Variants in FGGY observed in about 807,000 individuals in gnomAD.
FGGY encodes the protein FGGY carbohydrate kinase domain-containing protein.
Under a neutral mutation model 71.3 loss-of-function variants are expected in FGGY, and 72 were observed. That is an observed-to-expected ratio of 1.01 (90% CI 0.84 to 1.23). The LOEUF (loss-of-function observed/expected upper bound fraction) is 1.23, where lower values mean the gene tolerates loss of function less well. FGGY is among the 50% of genes most tolerant of loss of function. FGGY has a pLI of 0.00. For synonymous variants in FGGY, 251 were observed against 250.3 expected (o/e 1.00, Z -0.02); for missense variants, 668 against 682.3 (o/e 0.98, Z 0.23).
At chr1:59,570,632 G>C (rs575697355) in intron 8 of FGGY, among the ~76,000 whole-genome samples, 4 of 152,174 alleles carry the variant, frequency 2.6e-5, no homozygotes, top group African/African-American at 9.6e-5. Flanking sequence ...GTTCTGTGCA[G>C]ACAAACCCAG....
chr1:59,339,315 C>T (rs1203089669), intron 2 of FGGY, among the ~76,000 whole-genome samples: 1 of 151,896 alleles, frequency 6.6e-6, no homozygotes, highest in African/African-American at 2.4e-5. Flanking sequence ...TATATTTTTG[C>T]CAATATGAAA....
intron 5 of FGGY, among the ~76,000 whole-genome samples, chr1:59,441,482 T>C (rs1042839913): frequency 6.6e-6 from 1 of 152,200 alleles, no homozygotes; most frequent in African/African-American, 2.4e-5. Context: ...CAGTTCCCTG[T>C]AGTATTCTTA....
intron 11 of FGGY, among the ~76,000 whole-genome samples, chr1:59,651,071 T>A (rs1413314169): frequency 6.6e-6 from 1 of 151,540 alleles, no homozygotes; most frequent in Non-Finnish European, 1.5e-5. Context: ...TTGAGTGAGA[T>A]TCTTAATCCT....
intron 9 of FGGY, among the ~76,000 whole-genome samples, chr1:59,625,415 G>A (rs1357946471): frequency 6.6e-6 from 1 of 152,116 alleles, no homozygotes; most frequent in Non-Finnish European, 1.5e-5. Flanking sequence ...TGTGATGATT[G>A]TTCAGTCAGG....
intron 4 of FGGY, among the ~76,000 whole-genome samples, chr1:59,355,197 T>C (rs927789726): frequency 6.6e-6 from 1 of 152,210 alleles, no homozygotes; most frequent in Admixed American, 6.5e-5. Context: ...AATATTTGTA[T>C]AGCAACAACA....
intron 2 of FGGY, among the ~76,000 whole-genome samples, chr1:59,328,253 G>A (rs2047787513): frequency 6.6e-6 from 1 of 152,160 alleles, no homozygotes; most frequent in African/African-American, 2.4e-5. Context: ...TTCATTGATT[G>A]TCTTACCCAA....
chr1:59,403,413 A>C (rs191482010), intron 5 of FGGY, among the ~76,000 whole-genome samples: 368 of 152,128 alleles, frequency 2.4e-3, no homozygotes, highest in African/African-American at 8.1e-3. Flanking sequence ...CAGAAAGCAG[A>C]CTCCTCCAGA....
intron 5 of FGGY, among the ~76,000 whole-genome samples, chr1:59,424,856 A>C (rs976220250): frequency 6.6e-6 from 1 of 152,232 alleles, no homozygotes; most frequent in Non-Finnish European, 1.5e-5. Flanking sequence ...GGCTTCACAC[A>C]TAAGCCAGTT....
At chr1:59,660,466 C>T in intron 12 of FGGY, 173 bp downstream of exon 12, 1 of 470,194 alleles carries the variant, frequency 2.1e-6, no homozygotes, top group Non-Finnish European at 3.8e-6. Context: ...AAAGGCCTCA[C>T]CTGCTTTAAC....
intron 8 of FGGY, among the ~76,000 whole-genome samples, chr1:59,572,898 A>G (rs1402728571): frequency 6.6e-6 from 1 of 152,182 alleles, no homozygotes; most frequent in African/African-American, 2.4e-5. Context: ...TTTGGTTTGC[A>G]CTGTCAGCTT....
Position 59,587,053 on chromosome 1 carries a change from T to A in FGGY, c.904-20750T>A, listed in dbSNP as rs184418437. ...TCCCTTTCCTAGTCAAAGAAAGGGG[T>A]GACAGATGGCACCTGGAAAATCGGG... On this transcript the variant is annotated intron_variant, in intron 8 of 15. Coordinates refer to ENST00000303721, the MANE Select transcript of FGGY (RefSeq NM_018291.5). Among the ~76,000 whole-genome samples the A allele has an allele frequency of 2.9e-4, 44 of 152,210 alleles. No homozygotes were observed. The East Asian group carries it at 5.0e-3, about 17-fold the overall frequency.
chr1:59,354,678 G>T (rs1002282948), intron 4 of FGGY, among the ~76,000 whole-genome samples: 8 of 152,194 alleles, frequency 5.3e-5, no homozygotes, highest in African/African-American at 1.9e-4. Flanking sequence ...TGTGTGAGAG[G>T]CACTTTGCTG....
intron 15 of FGGY, among the ~76,000 whole-genome samples, chr1:59,761,192 C>A (rs921601945): frequency 5.9e-5 from 9 of 152,130 alleles, no homozygotes; most frequent in African/African-American, 1.9e-4. Context: ...AGTAACATAT[C>A]CAAAGTCACA....
intron 4 of FGGY, among the ~76,000 whole-genome samples, chr1:59,373,264 TAA>T (rs2058039046): frequency 6.6e-6 from 1 of 152,018 alleles, no homozygotes; most frequent in African/African-American, 2.4e-5. Flanking sequence ...TATACACCAA[TAA>T]CAGACAAACA....
At chr1:59,359,208 G>A (rs746437987) in intron 4 of FGGY, among the ~76,000 whole-genome samples, 1 of 151,918 alleles carries the variant, frequency 6.6e-6, no homozygotes, top group Non-Finnish European at 1.5e-5. Context: ...ATCATTTTTA[G>A]TATTATTACT....
At chr1:59,731,160 T>C (rs2098023190) in intron 14 of FGGY, among the ~76,000 whole-genome samples, 1 of 152,206 alleles carries the variant, frequency 6.6e-6, no homozygotes, top group Non-Finnish European at 1.5e-5. Flanking sequence ...ATTTGCTCTA[T>C]TGTTGTTCAT....
At chr1:59,592,962 TA>T (rs1006784905) in intron 8 of FGGY, among the ~76,000 whole-genome samples, 37 of 150,506 alleles carry the variant, frequency 2.5e-4, no homozygotes, top group Non-Finnish European at 4.4e-4. Context: ...AAAGTAAAAA[TA>T]AAAAAATAAA....
At chr1:59,377,718 C>T (rs543442410) in intron 4 of FGGY, among the ~76,000 whole-genome samples, 2 of 152,022 alleles carry the variant, frequency 1.3e-5, no homozygotes, top group East Asian at 3.9e-4. Context: ...TCCTGGAAAC[C>T]CCCTCAAGGA....
intron 8 of FGGY, among the ~76,000 whole-genome samples, chr1:59,565,011 T>C (rs1019610068): frequency 6.6e-6 from 1 of 152,142 alleles, no homozygotes; most frequent in Non-Finnish European, 1.5e-5. Flanking sequence ...AGCTCCCTCC[T>C]GATTGGCAGC....
Sources: gnomAD v4.1 joint callset for allele counts (sites outside exome capture counted in the v4.1 genomes callset) on GRCh38, gnomAD v4.1.1 for gene constraint, MANE v1.5 for transcripts, NCBI Gene and HGNC (gene_info 2026-07-23, HGNC 2026-07-21) for gene names.